MEGF8: variants seen among roughly 807,000 people sequenced by gnomAD.
MEGF8 encodes multiple EGF like domains 8.
MEGF8 carries 156 observed loss-of-function variants against 302.9 expected under a neutral mutation model. The observed-to-expected ratio is 0.52, with a 90% CI of 0.45 to 0.59. MEGF8 has a LOEUF of 0.59. Ranked by LOEUF, MEGF8 falls within the 20% of genes least tolerant of loss-of-function variation. MEGF8 has a pLI of 0.00. For missense variants in MEGF8, 3,345 were observed against 3,964.5 expected, an observed-to-expected ratio of 0.84 and a Z score of 4.20; for synonymous variants, 1,621 against 1,660.5, an observed-to-expected ratio of 0.98 and a Z score of 0.58.
At chr19:42,360,625 G>A in intron 31 of MEGF8, 150 bp from the exon 32 acceptor site, 2 of 1,451,180 alleles carry the variant, frequency 1.4e-6, no homozygotes, top group Non-Finnish European at 1.8e-6. Context: ...GATCACAGGT[G>A]TGAGCCACCG....
chr19:42,326,014 C>G lies in MEGF8; in HGVS notation c.-230C>G. 3.4e-6 allele frequency: 2 copies of G among 589,192 alleles called. No homozygotes were observed. Among genetic ancestry groups the G allele is most frequent in the Non-Finnish European group, 5.3e-6 (2 of 377,644 alleles). The allele number at this position is 589,192 out of a possible 1,614,324, so 36.5% of individuals were successfully genotyped here. The stretch of plus-strand genomic sequence containing the variant: ...GGGTTCGGCCCCGTCCATAATGACT[C>G]CATATACAGGGCCTTCCATCGCTCT... On this transcript the variant is annotated 5_prime_UTR_variant, in exon 1 of 42. Transcript: ENST00000251268.
chr19:42,326,045 G>A lies in MEGF8; in HGVS notation c.-199G>A. 2 of 859,358 alleles carry A rather than the reference G, an allele frequency of 2.3e-6. No individual in the cohort carries two copies. The highest frequency in any genetic ancestry group is 3.3e-6 in the Non-Finnish European group (2 of 612,124). 53.2% of individuals were successfully genotyped at this position (859,358 alleles called of 1,614,324 possible). On this transcript the variant is annotated 5_prime_UTR_variant, in exon 1 of 42. Coordinates refer to ENST00000251268, the MANE Select transcript of MEGF8 (RefSeq NM_001271938.2). ...ACAGGGCCTTCCATCGCTCTATAGGGCTCAGCCCTCGGCTTCCAGAGCCTG... is the reference window on the plus strand; with the variant it reads ...ACAGGGCCTTCCATCGCTCTATAGGACTCAGCCCTCGGCTTCCAGAGCCTG...
intron 8 of MEGF8, among the ~76,000 whole-genome samples, chr19:42,340,821 C>T (rs1244233828): frequency 3.9e-5 from 6 of 152,020 alleles, no homozygotes; most frequent in African/African-American, 1.5e-4. Flanking sequence ...ATGTGCACCA[C>T]CACTCCTGGC....
chr19:42,328,567 AGT>A (rs113567438), intron 1 of MEGF8, among the ~76,000 whole-genome samples: 73 of 146,204 alleles, frequency 5.0e-4, no homozygotes, highest in African/African-American at 7.1e-4. Context: ...CAGAATAGGA[AGT>A]GTGTGTGTGT....
At position 42,353,505 on chromosome 19, in the gene MEGF8, C is replaced by T. The variant is rs1248605065; in HGVS notation, c.3591C>T (p.Gly1197=). The T allele has an allele frequency of 2.5e-6, 4 of 1,610,742 alleles. No homozygotes were observed. Among genetic ancestry groups the T allele is most frequent in the Non-Finnish European group, 2.5e-6 (3 of 1,179,202 alleles). ...WGEHCERCRP[G]SFGNATGSRG... ...AGCACTGCGAACGATGCCGGCCCGG[C>T]AGCTTCGGCAACGCCACAGGCTCTA... Residue 1197 remains glycine (G), a synonymous_variant, in exon 21 of 42, where the codon GGC becomes GGT. Transcript: ENST00000251268. This position sits in a 1 kb window ranked among gnomAD's most constrained non-coding sequence, Gnocchi z 6.1.
intron 3 of MEGF8, among the ~76,000 whole-genome samples, chr19:42,334,489 C>T (rs1042867095): frequency 6.6e-6 from 1 of 152,144 alleles, no homozygotes; most frequent in Non-Finnish European, 1.5e-5. Flanking sequence ...TTCCTCCAGC[C>T]AGGCCCAAAT....
rs920968810 is a variant in MEGF8 at position 42,378,288 on chromosome 19, C to T, written c.*1513C>T. Reference sequence around the variant, plus strand: ...ATAAAGCTCAGTGGTGGTGTTACCTCACCGGGGACCAGGGTCACACAGCAA... The same window carrying T: ...ATAAAGCTCAGTGGTGGTGTTACCTTACCGGGGACCAGGGTCACACAGCAA... On this transcript the variant is annotated 3_prime_UTR_variant, in exon 42 of 42. Coordinates refer to ENST00000251268, the MANE Select transcript of MEGF8 (RefSeq NM_001271938.2). 6.6e-6 allele frequency: 1 copy of T among 152,654 alleles called. No individual in the cohort carries two copies. The highest frequency in any genetic ancestry group is 2.1e-4 in the South Asian group (1 of 4,826). The allele number at this position is 152,654 out of a possible 1,614,324, so 9.5% of individuals were successfully genotyped here.
rs1003215034 is a variant in MEGF8, at chr19:42,372,865, G to A, written c.7269+1383G>A. Among the ~76,000 whole-genome samples the A allele has an allele frequency of 4.6e-5, 7 of 151,964 alleles. No homozygotes were observed. The South Asian group carries it at 8.3e-4, about 18-fold the overall frequency. On this transcript the variant is annotated intron_variant, in intron 41 of 41. Transcript: ENST00000251268. The stretch of plus-strand genomic sequence containing the variant: ...TTTTCTGTATTTTAGTAGAGATGGG[G>A]TTTCACCATGTTGCCCAGGCTAGTC...
chr19:42,366,747 T>G (rs901844395), intron 35 of MEGF8, among the ~76,000 whole-genome samples: 2 of 152,214 alleles, frequency 1.3e-5, no homozygotes, highest in African/African-American at 4.8e-5. Flanking sequence ...TGTATGGTGT[T>G]GGGCATCTTT....
At position 42,344,113 on chromosome 19, in the gene MEGF8, G is replaced by T. The variant is rs1424396063; in HGVS notation, c.1788+40G>T. 1 of 1,603,574 alleles carries T rather than the reference G, an allele frequency of 6.2e-7. No homozygotes were observed. Among genetic ancestry groups the T allele is most frequent in the African/African-American group, 1.3e-5 (1 of 74,782 alleles). On this transcript the variant is annotated intron_variant, in intron 10 of 41. Transcript: ENST00000251268. The surrounding 1 kb of genome is among the most constrained non-coding windows in gnomAD (Gnocchi z 4.5). ...TAGACCCTCTGTTCCCTAGCATAGA[G>T]ACCTGCCCTCAGTGTCTCCCTCTGC...
Position 42,377,060 on chromosome 19 carries a change from C to T in MEGF8, c.*285C>T. ...TTCTGGTGAAGGGAGACAATCAGTG[C>T]ACATGCACACACCCCACACGCATAC... On this transcript the variant is annotated 3_prime_UTR_variant, in exon 42 of 42. Transcript: ENST00000251268. 2.5e-6 allele frequency: 1 copy of T among 404,080 alleles called. No homozygotes were observed. The highest frequency in any genetic ancestry group is 4.4e-6 in the Non-Finnish European group (1 of 228,414). 25.0% of individuals were successfully genotyped at this position (404,080 alleles called of 1,614,324 possible).
Position 42,376,711 on chromosome 19 carries a change from A to G in MEGF8, c.8474A>G (p.His2825Arg). ...GGTGGGGGTGCTGGGGGCAGTGGGC[A>G]TGGGACTGGTGCGGGCCGGAAGGGA... Reference protein sequence around the residue: ...GGGGGAGGSGHGTGAGRKGLL... With the variant: ...GGGGGAGGSGRGTGAGRKGLL... The change falls in exon 42 of 42, where the codon CAT becomes CGT. Residue 2825 changes from histidine to arginine, a missense_variant. Physicochemically the swap from His to Arg is conservative, Grantham distance 29. Coordinates refer to ENST00000251268, the MANE Select transcript of MEGF8 (RefSeq NM_001271938.2). The surrounding 1 kb of genome is among the most constrained non-coding windows in gnomAD (Gnocchi z 8.2). 1 of 1,503,838 alleles carries G rather than the reference A, an allele frequency of 6.6e-7. No homozygotes were observed. Among genetic ancestry groups the G allele is most frequent in the Non-Finnish European group, 8.9e-7 (1 of 1,126,922 alleles). The allele number at this position is 1,503,838 out of a possible 1,614,324, so 93.2% of individuals were successfully genotyped here.
rs1213411204 is a variant in MEGF8 at position 42,353,620 on chromosome 19, C to T, written c.3706C>T (p.His1236Tyr). Residue 1236 changes from histidine (H) to tyrosine (Y), a missense_variant, in exon 21 of 42, where the codon CAC (histidine) becomes TAC (tyrosine). Physicochemically the swap from His to Tyr is moderately conservative, Grantham distance 83 (BLOSUM62 2). Coordinates refer to ENST00000251268, the MANE Select transcript of MEGF8 (RefSeq NM_001271938.2). This position sits in a 1 kb window ranked among gnomAD's most constrained non-coding sequence, Gnocchi z 6.1. ...CAGTGGGCTCTGCTTCTGCCAGGAC[C>T]ACACCGAGGGTGCCCACTGCCAGCT... ...NLSGLCFCQD[H>Y]TEGAHCQLCS... 1 of 1,586,192 alleles carries T rather than the reference C, an allele frequency of 6.3e-7. No homozygotes were observed. The highest frequency in any genetic ancestry group is 2.3e-5 in the East Asian group (1 of 43,504).
chr19:42,374,783 C>T (rs1161309526), intron 41 of MEGF8, among the ~76,000 whole-genome samples: 3 of 152,128 alleles, frequency 2.0e-5, no homozygotes, highest in Non-Finnish European at 2.9e-5. Context: ...TGTTAGACAG[C>T]GAGGAGCGCT....
chr19:42,377,164 A>T lies in MEGF8; in HGVS notation c.*389A>T, dbSNP rs902951470. The T allele has an allele frequency of 5.1e-6, 1 of 195,462 alleles. No homozygotes were observed. The highest frequency in any genetic ancestry group is 2.3e-5 in the African/African-American group (1 of 43,140). The allele number at this position is 195,462 out of a possible 1,614,324, so 12.1% of individuals were successfully genotyped here. A position where few individuals can be genotyped will look rare whatever the true frequency, so the allele number is the denominator to read the frequency against. ...AGAAGCACTGTGAGGCCTCCAGAGG[A>T]TGTGGCAGTGAGGGACGATGGGGTG... On this transcript the variant is annotated 3_prime_UTR_variant, in exon 42 of 42. Coordinates refer to ENST00000251268, the MANE Select transcript of MEGF8 (RefSeq NM_001271938.2).
rs1568557840 is a variant in MEGF8, at chr19:42,337,102, A to G, written c.1409A>G (p.His470Arg). The change falls in exon 8 of 42, where the codon CAT becomes CGT. Residue 470 changes from histidine (H) to arginine (R), a missense_variant. Transcript: ENST00000251268. ...MVVYGGNVHT[H>R]YQEEKCYEDG... ...TTCCCAGGGGGCAATGTGCACACCC[A>G]TTACCAGGAGGAAAAGTGCTACGAA... 6.2e-7 allele frequency: 1 copy of G among 1,613,842 alleles called. No homozygotes were observed. The highest frequency in any genetic ancestry group is 8.5e-7 in the Non-Finnish European group (1 of 1,179,886).
chr19:42,329,032 A>C (rs1226389096), intron 1 of MEGF8, among the ~76,000 whole-genome samples: 1 of 152,142 alleles, frequency 6.6e-6, no homozygotes, highest in Non-Finnish European at 1.5e-5. Context: ...AGCCACTAAA[A>C]TAGGGTTCTG....
At position 42,351,388 on chromosome 19, in the gene MEGF8, G is replaced by A. The variant is rs1228586712; in HGVS notation, c.2856-41G>A. The A allele has an allele frequency of 6.3e-7, 1 of 1,575,224 alleles. No individual in the cohort carries two copies. On this transcript the variant is annotated intron_variant, in intron 16 of 41. Coordinates refer to ENST00000251268, the MANE Select transcript of MEGF8 (RefSeq NM_001271938.2). The surrounding 1 kb of genome is among the most constrained non-coding windows in gnomAD (Gnocchi z 5.6). ...TGGGTGGATGTGCCTGGGGATGTGT[G>A]CTGGCTGTGGAGTGACCTGGCCCCC...
Position 42,354,106 on chromosome 19 carries a change from C to T in MEGF8, c.4011+82C>T. ...CCAGCCTGCATCCTCAGACCCTGAC[C>T]CTAGTATTGCTGTTTTTTTTTTTTT... On this transcript the variant is annotated intron_variant, in intron 22 of 41. Coordinates refer to ENST00000251268, the MANE Select transcript of MEGF8 (RefSeq NM_001271938.2). This position sits in a 1 kb window ranked among gnomAD's most constrained non-coding sequence, Gnocchi z 4.3. 1 of 1,436,196 alleles carries T rather than the reference C, an allele frequency of 7.0e-7. No individual in the cohort carries two copies. Among genetic ancestry groups the T allele is most frequent in the Non-Finnish European group, 9.2e-7 (1 of 1,088,656 alleles). 89.0% of individuals were successfully genotyped at this position (1,436,196 alleles called of 1,614,324 possible).
Sources: gnomAD v4.1 joint callset for allele counts (sites outside exome capture counted in the v4.1 genomes callset) on GRCh38, gnomAD v4.1.1 for gene constraint, Gnocchi (gnomAD v3.1) non-coding constraint, MANE v1.5 for transcripts, NCBI Gene and HGNC (gene_info 2026-07-23, HGNC 2026-07-21) for gene names.